The following MAGI2 variants were observed in gnomAD, a reference collection of about 807,000 sequenced individuals.
MAGI2 encodes the protein membrane associated guanylate kinase, WW and PDZ domain containing 2, also known as membrane-associated guanylate kinase, WW and PDZ domain-containing protein 2.
MAGI2 carries 35 observed loss-of-function variants against 133.3 expected under a neutral mutation model. The ratio of observed to expected loss-of-function variants is 0.26; its 90% CI spans 0.20 to 0.35. The LOEUF is 0.35. Ranked by LOEUF, MAGI2 falls within the 10% of genes least tolerant of loss-of-function variation. The pLI is 1.00. For synonymous variants in MAGI2, 729 were observed against 710.6 expected (o/e 1.03, Z -0.41); for missense variants, 1,636 against 1,863.4 (o/e 0.88, Z 2.25).
At chr7:78,688,350 CA>C (rs1411054510) in intron 2 of MAGI2, among the ~76,000 whole-genome samples, 3 of 152,226 alleles carry the variant, frequency 2.0e-5, no homozygotes, top group African/African-American at 7.2e-5. Context: ...AAGGACCAAC[CA>C]ATTATTTTCT....
intron 1 of MAGI2, among the ~76,000 whole-genome samples, chr7:79,136,003 GAGAAAGAAA>G (rs1821413595): frequency 1.7e-4 from 7 of 40,890 alleles, no homozygotes; most frequent in South Asian, 1.6e-3. Flanking sequence ...AAGAAAGAAA[GAGAAAGAAA>G]GAAAGAAAGA....
intron 2 of MAGI2, among the ~76,000 whole-genome samples, chr7:78,825,063 T>C (rs1790497184): frequency 6.6e-6 from 1 of 151,674 alleles, no homozygotes; most frequent in South Asian, 2.1e-4. Context: ...CCAGGGCCTG[T>C]TGGAGGGTGG....
intron 1 of MAGI2, among the ~76,000 whole-genome samples, chr7:79,129,829 G>A (rs150530451): frequency 2.0e-5 from 3 of 152,220 alleles, no homozygotes; most frequent in African/African-American, 7.2e-5. Context: ...AGAAGATAAA[G>A]GTGTGAAATG....
At chr7:78,309,212 G>A (rs798281) in intron 9 of MAGI2, among the ~76,000 whole-genome samples, 39,884 of 151,896 alleles carry the variant, frequency 0.26, 5,509 homozygotes, top group African/African-American at 0.32. Flanking sequence ...AAAATAAATC[G>A]CTCTACCAAA....
rs116797049 is a variant in MAGI2 at position 79,218,495 on chromosome 7, G to A, written c.302-211289C>T. On this transcript the variant is annotated intron_variant, in intron 1 of 21. Coordinates refer to ENST00000354212, the MANE Select transcript of MAGI2 (RefSeq NM_012301.4). ...TCTATAAAACAATAACACAAATATCGTCTCTGAAGGATTGCTGTAAGAATT... is the reference window on the plus strand; with the variant it reads ...TCTATAAAACAATAACACAAATATCATCTCTGAAGGATTGCTGTAAGAATT... Among the ~76,000 whole-genome samples, 120 of 151,984 alleles carry A rather than the reference G, an allele frequency of 7.9e-4. 2 individuals carry two copies. The highest frequency in any genetic ancestry group is 6.8e-3 in the Middle Eastern group (2 of 294).
chr7:79,130,073 CGAG>C (rs1244074793), intron 1 of MAGI2, among the ~76,000 whole-genome samples: 1 of 150,070 alleles, frequency 6.7e-6, no homozygotes, highest in African/African-American at 2.5e-5. Flanking sequence ...GGCCAAGATG[CGAG>C]GATCAGTTGA....
intron 1 of MAGI2, among the ~76,000 whole-genome samples, chr7:79,294,310 G>A (rs1050030535): frequency 1.3e-5 from 2 of 151,848 alleles, no homozygotes; most frequent in African/African-American, 2.4e-5. Flanking sequence ...TTAGGCTTGC[G>A]GACACATAGA....
chr7:79,451,379 G>A (rs1849234836), intron 1 of MAGI2, among the ~76,000 whole-genome samples: 1 of 152,078 alleles, frequency 6.6e-6, no homozygotes, highest in Non-Finnish European at 1.5e-5. Flanking sequence ...TTCCTATAAG[G>A]TGGTATTTTG....
At chr7:78,943,264 A>AT (rs1227976067) in intron 2 of MAGI2, among the ~76,000 whole-genome samples, 1 of 152,116 alleles carries the variant, frequency 6.6e-6, no homozygotes, top group East Asian at 1.9e-4. Context: ...TATTGACCCG[A>AT]TTTTTTAAAA....
At chr7:78,741,357 A>G (rs1433086083) in intron 2 of MAGI2, among the ~76,000 whole-genome samples, 1 of 143,424 alleles carries the variant, frequency 7.0e-6, no homozygotes, top group Admixed American at 7.5e-5. Flanking sequence ...GTTTTGGAGG[A>G]ATAGAAGAAA....
chr7:78,598,344 T>C (rs12705635), intron 3 of MAGI2, among the ~76,000 whole-genome samples: 18,577 of 152,026 alleles, frequency 0.12, 1,939 homozygotes, highest in African/African-American at 0.28. Flanking sequence ...GGAGTTAGTC[T>C]GGTACGGGGA....
At chr7:78,130,970 C>T (rs1034284153) in intron 18 of MAGI2, among the ~76,000 whole-genome samples, 6 of 152,160 alleles carry the variant, frequency 3.9e-5, no homozygotes, top group African/African-American at 1.4e-4. Context: ...CTATAGCACA[C>T]CAGGGATGAG....
chr7:78,021,264 T>C (rs1808368933), intron 21 of MAGI2, among the ~76,000 whole-genome samples: 1 of 152,322 alleles, frequency 6.6e-6, no homozygotes, highest in Non-Finnish European at 1.5e-5. Context: ...TTTTGTGATA[T>C]TCTAGAGTGT....
intron 1 of MAGI2, among the ~76,000 whole-genome samples, chr7:79,064,990 G>C (rs1365957226): frequency 1.3e-5 from 2 of 151,918 alleles, no homozygotes; most frequent in Non-Finnish European, 2.9e-5. Context: ...GATGAAACCT[G>C]GTCTCCAAAC....
chr7:79,009,903 A>C (rs1249317467), intron 1 of MAGI2, among the ~76,000 whole-genome samples: 1 of 152,150 alleles, frequency 6.6e-6, no homozygotes, highest in Non-Finnish European at 1.5e-5. Flanking sequence ...GCTAAAAACA[A>C]TGTCAGTAAC....
At chr7:78,496,128 T>C (rs1029284351) in intron 5 of MAGI2, among the ~76,000 whole-genome samples, 1 of 152,184 alleles carries the variant, frequency 6.6e-6, no homozygotes, top group Non-Finnish European at 1.5e-5. Context: ...GTAATTTAAT[T>C]AAAACTTAAG....
intron 2 of MAGI2, among the ~76,000 whole-genome samples, chr7:78,937,707 T>TA (rs1800623911): frequency 6.6e-6 from 1 of 152,148 alleles, no homozygotes. Context: ...GTATACTAGT[T>TA]ATAGACATGG....
intron 3 of MAGI2, among the ~76,000 whole-genome samples, chr7:78,558,114 T>A (rs775523113): frequency 6.6e-6 from 1 of 152,212 alleles, no homozygotes; most frequent in Non-Finnish European, 1.5e-5. Context: ...TATATATCAA[T>A]TGAATACAAA....
intron 21 of MAGI2, chr7:78,039,701 C>G (rs1412339198): frequency 6.6e-6 from 1 of 152,100 alleles, no homozygotes; most frequent in Non-Finnish European, 1.5e-5. Flanking sequence ...TGGTGCTAAA[C>G]AGGGAATAAA....
Sources: allele counts gnomAD v4.1 joint callset (sites outside exome capture counted in the v4.1 genomes callset), GRCh38; gene constraint gnomAD v4.1.1; transcripts MANE v1.5; gene names NCBI Gene and HGNC (gene_info 2026-07-23, HGNC 2026-07-21).